Variants in HYLS1 observed in about 807,000 individuals in gnomAD.
HYLS1 encodes centriolar and ciliogenesis-associated protein HYLS1.
HYLS1 carries 25 observed loss-of-function variants against 29.4 expected under a neutral mutation model. That is an observed-to-expected ratio of 0.85 (90% CI 0.62 to 1.19). The LOEUF is 1.19. HYLS1 is among the 50% of genes most tolerant of loss of function. The pLI is 0.00. For missense variants in HYLS1, 352 were observed against 365.1 expected, an observed-to-expected ratio of 0.96 and a Z score of 0.29; for synonymous variants, 128 against 126.7, an observed-to-expected ratio of 1.01 and a Z score of -0.07.
At position 125,900,453 on chromosome 11, in the gene HYLS1, C is replaced by A. The variant is rs995378446; in HGVS notation, c.*185C>A. On this transcript the variant is annotated 3_prime_UTR_variant, in exon 3 of 3. Transcript: ENST00000425380. ...CAGATGATACTTCCAAATTGCCACT[C>A]AAATCCAGCAATTGCAAGATAAATC... The A allele has an allele frequency of 3.3e-6, 2 of 603,500 alleles. No individual in the cohort carries two copies. Among genetic ancestry groups the A allele is most frequent in the African/African-American group, 1.9e-5 (1 of 53,580 alleles). 37.4% of individuals were successfully genotyped at this position (603,500 alleles called of 1,614,324 possible). A position where few individuals can be genotyped will look rare whatever the true frequency, so the allele number is the denominator to read the frequency against.
intron 1 of HYLS1, chr11:125,888,408 A>T (rs1944348068): frequency 6.6e-6 from 1 of 152,284 alleles, no homozygotes; most frequent in Non-Finnish European, 1.5e-5. Flanking sequence ...AAGAAATGAA[A>T]GCAAGCACCT....
chr11:125,895,072 A>C, intron 2 of HYLS1: 1 of 498,182 alleles, frequency 2.0e-6, no homozygotes. Flanking sequence ...TTTTTAAGAC[A>C]GTCTCCCTCT....
Position 125,899,565 on chromosome 11 carries a change from T to A in HYLS1, c.197T>A (p.Val66Glu), listed in dbSNP as rs200929246. The part of the protein sequence containing the change: ...VAPGKRPALP[V>E]QLQYPHVESN... ...CCAGGGAAGCGACCTGCTCTTCCTGTGCAACTACAGTACCCACATGTAGAA... is the reference window on the plus strand; with the variant it reads ...CCAGGGAAGCGACCTGCTCTTCCTGAGCAACTACAGTACCCACATGTAGAA... The change falls in exon 3 of 3, where the codon GTG (valine) becomes GAG (glutamate). Residue 66 changes from valine (V) to glutamate (E), a missense_variant. Transcript: ENST00000425380. 3.7e-6 allele frequency: 6 copies of A among 1,614,072 alleles called. No homozygotes were observed. The African/African-American group carries it at 8.0e-5, about 22-fold the overall frequency.
chr11:125,899,145 G>A (rs1020665382), intron 2 of HYLS1, 199 bp from the exon 3 acceptor site: 6 of 547,746 alleles, frequency 1.1e-5, no homozygotes, highest in African/African-American at 7.5e-5. Flanking sequence ...GAGTAAGAGT[G>A]GAAATGAAAG....
At chr11:125,887,511 C>G (rs978321164), upstream of HYLS1, 1 of 152,286 alleles carries the variant, frequency 6.6e-6, no homozygotes, top group Non-Finnish European at 1.5e-5. Context: ...GGAGAAGGCC[C>G]AGACAAAATG....
chr11:125,886,280 T>C (rs1944302946), upstream of HYLS1, among the ~76,000 whole-genome samples: 1 of 152,166 alleles, frequency 6.6e-6, no homozygotes, highest in South Asian at 2.1e-4. Flanking sequence ...AAATTCAAAG[T>C]GCCTTAGAGG....
upstream of HYLS1, among the ~76,000 whole-genome samples, chr11:125,885,125 T>A (rs1276415501): frequency 1.3e-5 from 2 of 152,190 alleles, no homozygotes; most frequent in Non-Finnish European, 1.5e-5. Context: ...ATTAAACGTT[T>A]TCAAAGATCA....
chr11:125,885,113 G>A (rs1360480683), upstream of HYLS1, among the ~76,000 whole-genome samples: 2 of 152,214 alleles, frequency 1.3e-5, no homozygotes, highest in Admixed American at 1.3e-4. Context: ...AAGCTGCTAT[G>A]TATTAAACGT....
rs1241246070 is a variant in HYLS1 at position 125,900,611 on chromosome 11, C to A, written c.*343C>A. On this transcript the variant is annotated 3_prime_UTR_variant, in exon 3 of 3. Coordinates refer to ENST00000425380, the MANE Select transcript of HYLS1 (RefSeq NM_001134793.2). ...AGTGTGTGTTTTTTAAGTTGCTGGG[C>A]ATTACACTTACCAATTAAAGAATTT... 4 of 303,522 alleles carry A rather than the reference C, an allele frequency of 1.3e-5. No homozygotes were observed. The highest frequency in any genetic ancestry group is 2.6e-5 in the Non-Finnish European group (4 of 151,698). The allele number at this position is 303,522 out of a possible 1,614,324, so 18.8% of individuals were successfully genotyped here. A position where few individuals can be genotyped will look rare whatever the true frequency, so the allele number is the denominator to read the frequency against.
chr11:125,885,094 A>G (rs546409459), upstream of HYLS1, among the ~76,000 whole-genome samples: 49 of 152,348 alleles, frequency 3.2e-4, no homozygotes, highest in Non-Finnish European at 5.1e-4. Context: ...ATTCAGGAGT[A>G]GATCCTTCAA....
At chr11:125,894,202 G>A (rs1349524327) in intron 2 of HYLS1, 2 of 1,613,864 alleles carry the variant, frequency 1.2e-6, no homozygotes, top group Admixed American at 3.3e-5. Context: ...GGGTAATATT[G>A]AACTCCTGAG....
At chr11:125,889,749 C>T (rs1035145439) in intron 1 of HYLS1, among the ~76,000 whole-genome samples, 3 of 151,940 alleles carry the variant, frequency 2.0e-5, no homozygotes, top group African/African-American at 4.8e-5. Context: ...AAAACAACAA[C>T]AATAATAATA....
At position 125,900,145 on chromosome 11, in the gene HYLS1, T is replaced by G; in HGVS notation, c.777T>G (p.Tyr259Ter). 1 of 1,614,200 alleles carries G rather than the reference T, an allele frequency of 6.2e-7. No homozygotes were observed. The highest frequency in any genetic ancestry group is 8.5e-7 in the Non-Finnish European group (1 of 1,180,032). Residue 259 changes from tyrosine (Y) to a stop codon, truncating the protein, a stop_gained, in exon 3 of 3, where the codon TAT becomes TAG. Transcript: ENST00000425380. LOFTEE classifies it high-confidence loss of function. ...AEPQSKPQHI[Y>*]VPNNYLVPTE... is the part of the protein sequence containing the mutation. ...CCCAATCCAAACCTCAGCATATATA[T>G]GTCCCAAACAATTATCTAGTACCAA...
At chr11:125,898,755 T>A (rs1029033249) in intron 2 of HYLS1, among the ~76,000 whole-genome samples, 2 of 147,954 alleles carry the variant, frequency 1.4e-5, no homozygotes, top group African/African-American at 4.9e-5. Context: ...AACACAACAC[T>A]GCTTTTGTGA....
chr11:125,892,685 C>A (rs1944445492), intron 2 of HYLS1, among the ~76,000 whole-genome samples: 1 of 152,114 alleles, frequency 6.6e-6, no homozygotes, highest in Non-Finnish European at 1.5e-5. Flanking sequence ...TCTTCTAGGC[C>A]ATTTTCATCA....
chr11:125,885,416 A>G (rs942262404), upstream of HYLS1, among the ~76,000 whole-genome samples: 1 of 152,192 alleles, frequency 6.6e-6, no homozygotes, highest in African/African-American at 2.4e-5. Context: ...GTGCCACTGC[A>G]CCCCAGCCTG....
intron 2 of HYLS1, 193 bp from the exon 3 acceptor site, chr11:125,899,151 G>C (rs1944680019): frequency 1.8e-6 from 1 of 555,004 alleles, no homozygotes; most frequent in Non-Finnish European, 3.2e-6. Flanking sequence ...GAGTGGAAAT[G>C]AAAGCAGGTA....
intron 2 of HYLS1, among the ~76,000 whole-genome samples, chr11:125,898,592 G>A (rs79711545): frequency 6.6e-5 from 10 of 151,914 alleles, no homozygotes; most frequent in Admixed American, 1.3e-4. Context: ...CAGGATAATC[G>A]CTTGAACCCA....
At chr11:125,884,394 G>A (rs966006498), upstream of HYLS1, among the ~76,000 whole-genome samples, 1 of 151,974 alleles carries the variant, frequency 6.6e-6, no homozygotes, top group African/African-American at 2.4e-5. Context: ...CGGGTCACAA[G>A]GTCAGGAGAT....
Sources: gnomAD v4.1 joint callset for allele counts (sites outside exome capture counted in the v4.1 genomes callset) on GRCh38, gnomAD v4.1.1 for gene constraint, MANE v1.5 for transcripts, NCBI Gene and HGNC (gene_info 2026-07-23, HGNC 2026-07-21) for gene names.